DPH6: variants seen among roughly 807,000 people sequenced by gnomAD.
DPH6 encodes the protein diphthine--ammonia ligase.
Under a neutral mutation model 38.2 loss-of-function variants are expected in DPH6, and 33 were observed. That is an observed-to-expected ratio of 0.86 (90% CI 0.65 to 1.15). The LOEUF (loss-of-function observed/expected upper bound fraction) is 1.15. Among genes scored for constraint, DPH6 ranks in the 50% most tolerant of loss-of-function variants. DPH6 has a pLI of 0.00. For missense variants in DPH6, 325 were observed against 320.0 expected (o/e 1.02, Z -0.12); for synonymous variants, 108 against 103.0 (o/e 1.05, Z -0.30).
chr15:35,200,437 A>G, the DPH6 span, among the ~76,000 whole-genome samples: 1 of 152,146 alleles, frequency 6.6e-6, no homozygotes, highest in East Asian at 1.9e-4. Context: ...ACTGTATCCT[A>G]AAAAAAGACT....
intron 3 of DPH6, among the ~76,000 whole-genome samples, chr15:35,223,793 T>C (rs1475622124): frequency 2.6e-5 from 4 of 152,094 alleles, no homozygotes; most frequent in African/African-American, 7.2e-5. Context: ...ATATAGTTTA[T>C]ATTATAGTTT....
Position 35,415,248 on chromosome 15 carries a change from C to CTG in DPH6, c.506-4354_506-4353dup, listed in dbSNP as rs139342124. Among the ~76,000 whole-genome samples the CTG allele has an allele frequency of 7.0e-4, 105 of 150,564 alleles. 1 individual carries two copies. The highest frequency in any genetic ancestry group is 1.3e-3 in the South Asian group (6 of 4,784). On this transcript the variant is annotated intron_variant, in intron 5 of 8. Transcript: ENST00000256538. ...AGTCACTTTTTAGCCTTCCCTCTAACTGTGTGTGTGTGTGTGTAACAACAC... is the reference window on the plus strand; with the variant it reads ...AGTCACTTTTTAGCCTTCCCTCTAACTGTGTGTGTGTGTGTGTGTAACAACAC...
At chr15:35,258,986 A>G (rs2051725680) in intron 3 of DPH6, among the ~76,000 whole-genome samples, 1 of 152,002 alleles carries the variant, frequency 6.6e-6, no homozygotes, top group Non-Finnish European at 1.5e-5. Flanking sequence ...ATCTCTACTT[A>G]AAATACAAAA....
chr15:35,148,362 A>G, the DPH6 span, among the ~76,000 whole-genome samples: 1 of 152,200 alleles, frequency 6.6e-6, no homozygotes, highest in South Asian at 2.1e-4. Context: ...TCAGTTTCTT[A>G]ACATTAATGT....
At chr15:35,279,511 T>G (rs1247602301) in intron 3 of DPH6, among the ~76,000 whole-genome samples, 1 of 151,992 alleles carries the variant, frequency 6.6e-6, no homozygotes, top group African/African-American at 2.4e-5. Context: ...GTCAGATACC[T>G]CATTAATAGC....
At chr15:35,209,590 C>T in the DPH6 span, among the ~76,000 whole-genome samples, 1 of 152,060 alleles carries the variant, frequency 6.6e-6, no homozygotes, top group East Asian at 1.9e-4. Flanking sequence ...GCCTCCCTCA[C>T]CAGAAAGTAT....
chr15:35,243,523 A>C (rs1414209234), intron 3 of DPH6, among the ~76,000 whole-genome samples: 1 of 145,624 alleles, frequency 6.9e-6, no homozygotes, highest in Non-Finnish European at 1.5e-5. Context: ...GCCCCGCCTT[A>C]ACTGATGACA....
chr15:35,423,824 G>C (rs1414918635), intron 5 of DPH6, among the ~76,000 whole-genome samples: 2 of 151,668 alleles, frequency 1.3e-5, no homozygotes, highest in African/African-American at 4.8e-5. Context: ...TTATTGAAAA[G>C]ACTATCCATT....
At chr15:35,262,516 C>G (rs1308328474) in intron 3 of DPH6, among the ~76,000 whole-genome samples, 4 of 151,982 alleles carry the variant, frequency 2.6e-5, no homozygotes, top group Non-Finnish European at 5.9e-5. Flanking sequence ...ACCATCCTGG[C>G]TAACACGGTG....
Position 35,488,355 on chromosome 15 carries a change from T to C in DPH6, c.313-33535A>G, listed in dbSNP as rs193121183. Among the ~76,000 whole-genome samples, 26 of 152,286 alleles carry C rather than the reference T, an allele frequency of 1.7e-4. No individual in the cohort carries two copies. In the East Asian group the frequency reaches 5.0e-3, roughly 29 times the overall value. ...CTATTTGTCTGTTTTCACACTGTTA[T>C]GAAAAACTACATAAGACATGGTAAT... On this transcript the variant is annotated intron_variant, in intron 3 of 8. Coordinates refer to ENST00000256538, the MANE Select transcript of DPH6 (RefSeq NM_080650.4).
At chr15:35,282,684 G>A (rs1248298245) in intron 3 of DPH6, 2 of 401,502 alleles carry the variant, frequency 5.0e-6, no homozygotes, top group South Asian at 2.1e-5. Context: ...ACCCAACTAG[G>A]TGCAATTTAC....
intron 3 of DPH6, among the ~76,000 whole-genome samples, chr15:35,225,934 C>T (rs1051821759): frequency 5.5e-4 from 84 of 152,202 alleles, no homozygotes; most frequent in African/African-American, 1.8e-3. Flanking sequence ...TTTAACCTGT[C>T]TCATTTGTAC....
chr15:35,177,615 C>A, the DPH6 span, among the ~76,000 whole-genome samples: 6 of 143,356 alleles, frequency 4.2e-5, no homozygotes, highest in South Asian at 2.3e-4. Flanking sequence ...TCATCATCAT[C>A]ATCATCATCA....
the DPH6 span, among the ~76,000 whole-genome samples, chr15:35,170,427 C>T: frequency 3.9e-4 from 60 of 152,050 alleles, no homozygotes; most frequent in African/African-American, 1.4e-3. Flanking sequence ...GTGGAGCTTC[C>T]CTCTGAGTCA....
the DPH6 span, among the ~76,000 whole-genome samples, chr15:35,186,808 G>A: frequency 2.0e-5 from 3 of 152,216 alleles, no homozygotes; most frequent in African/African-American, 7.2e-5. Context: ...CAAGGATGTG[G>A]AGAAACTGGG....
intron 3 of DPH6, among the ~76,000 whole-genome samples, chr15:35,478,366 T>TAC (rs66521447): frequency 0.1 from 14,682 of 142,008 alleles, 751 homozygotes; most frequent in Non-Finnish European, 0.13. Flanking sequence ...TACCCACACA[T>TAC]ACACACACAC....
At chr15:35,443,617 T>C (rs1227774285) in intron 5 of DPH6, among the ~76,000 whole-genome samples, 1 of 152,212 alleles carries the variant, frequency 6.6e-6, no homozygotes, top group Non-Finnish European at 1.5e-5. Context: ...CCAGCTTTAC[T>C]ACCCAAGAAA....
At chr15:35,160,266 T>A in the DPH6 span, among the ~76,000 whole-genome samples, 1 of 151,976 alleles carries the variant, frequency 6.6e-6, no homozygotes. Context: ...TGCAGCAAAA[T>A]AAAACCTTCA....
intron 3 of DPH6, among the ~76,000 whole-genome samples, chr15:35,232,362 A>G (rs8030438): frequency 0.035 from 5,290 of 152,182 alleles, 283 homozygotes; most frequent in African/African-American, 0.12. Flanking sequence ...CGGGTGGATC[A>G]TGAGGTCAGG....
Sources: allele counts gnomAD v4.1 joint callset (sites outside exome capture counted in the v4.1 genomes callset), GRCh38; gene constraint gnomAD v4.1.1; transcripts MANE v1.5; gene names NCBI Gene and HGNC (gene_info 2026-07-23, HGNC 2026-07-21).